SLCO1A2: variants seen among roughly 807,000 people sequenced by gnomAD.
SLCO1A2 encodes solute carrier organic anion transporter family member 1A2.
In SLCO1A2, 67 loss-of-function variants were observed where a neutral mutation model predicts 69.0. The observed-to-expected ratio is 0.97, with a 90% CI of 0.80 to 1.19. The LOEUF is 1.19. Ranked by LOEUF, SLCO1A2 falls within the 50% of genes most tolerant of loss-of-function variation. The pLI, the probability that SLCO1A2 is intolerant of heterozygous loss-of-function variation, is 0.00. For synonymous variants in SLCO1A2, 260 were observed against 265.9 expected, an observed-to-expected ratio of 0.98 and a Z score of 0.22; for missense variants, 787 against 793.7, an observed-to-expected ratio of 0.99 and a Z score of 0.10.
chr12:21,300,457 G>A lies in SLCO1A2; in HGVS notation c.801C>T (p.Pro267=). 6.2e-7 allele frequency: 1 copy of A among 1,613,180 alleles called. No individual in the cohort carries two copies. Among genetic ancestry groups the A allele is most frequent in the Non-Finnish European group, 8.5e-7 (1 of 1,179,662 alleles). Residue 267 remains proline (P), a synonymous_variant, in exon 8 of 15, where the codon CCC becomes CCT. Transcript: ENST00000683939. Reference sequence around the variant, plus strand: ...CTAGTCCTTCCTTTGGAAGTGTGTTGGGCAAAAAGAAAAAAGGAATGGCAG... The same window carrying A: ...CTAGTCCTTCCTTTGGAAGTGTGTTAGGCAAAAAGAAAAAAGGAATGGCAG... ...VLTAIPFFFL[P]NTLPKEGLET...
intron 2 of SLCO1A2, among the ~76,000 whole-genome samples, chr12:21,364,396 C>T (rs1329591777): frequency 1.3e-5 from 2 of 152,116 alleles, no homozygotes; most frequent in Non-Finnish European, 2.9e-5. Context: ...TGGGATGTAT[C>T]TCAAAATAAT....
At chr12:21,326,264 C>T (rs149506823) in intron 2 of SLCO1A2, among the ~76,000 whole-genome samples, 2 of 152,242 alleles carry the variant, frequency 1.3e-5, no homozygotes, top group East Asian at 3.9e-4. Context: ...ATAAATTACC[C>T]AGTCTCAGGT....
intron 7 of SLCO1A2, 86 bp from the exon 8 acceptor site, chr12:21,300,655 G>A: frequency 9.3e-7 from 1 of 1,075,942 alleles, no homozygotes; most frequent in Non-Finnish European, 1.3e-6. Flanking sequence ...AGAATTATCG[G>A]GTCCCAACCA....
At chr12:21,320,582 T>G (rs555879221) in intron 2 of SLCO1A2, among the ~76,000 whole-genome samples, 1 of 152,258 alleles carries the variant, frequency 6.6e-6, no homozygotes, top group Admixed American at 6.5e-5. Flanking sequence ...CACTGCAACC[T>G]CCACCTCCTG....
At chr12:21,270,225 A>T (rs543205231) in intron 14 of SLCO1A2, among the ~76,000 whole-genome samples, 2 of 151,986 alleles carry the variant, frequency 1.3e-5, no homozygotes, top group East Asian at 3.9e-4. Flanking sequence ...AGTTTTAATC[A>T]TGAATGTGCA....
intron 2 of SLCO1A2, among the ~76,000 whole-genome samples, chr12:21,361,678 G>C (rs1156834901): frequency 6.6e-6 from 1 of 152,050 alleles, no homozygotes; most frequent in Non-Finnish European, 1.5e-5. Flanking sequence ...GTAGAGAAAA[G>C]ACAGTGTAGA....
At chr12:21,272,232 A>AATC (rs1417575118) in intron 14 of SLCO1A2, among the ~76,000 whole-genome samples, 4 of 151,802 alleles carry the variant, frequency 2.6e-5, no homozygotes, top group African/African-American at 9.7e-5. Flanking sequence ...ATAGATATAG[A>AATC]TGTATTATAG....
intron 1 of SLCO1A2, among the ~76,000 whole-genome samples, chr12:21,417,063 A>G (rs938024145): frequency 4.6e-5 from 7 of 152,194 alleles, no homozygotes; most frequent in African/African-American, 1.7e-4. Flanking sequence ...TGCAGTAAGT[A>G]GCACACAGTG....
intron 2 of SLCO1A2, among the ~76,000 whole-genome samples, chr12:21,343,087 T>C (rs551703331): frequency 6.6e-6 from 1 of 152,220 alleles, no homozygotes; most frequent in Non-Finnish European, 1.5e-5. Context: ...ATCTTCAGTT[T>C]AGCAGAGGAC....
In SLCO1A2 at chr12:21,264,688, T is replaced by C. The variant is rs1307810172; in HGVS notation, c.*4860A>G. ...TAAATATAAAAGCAATCTTACAGGA[T>C]TATGCAATAGTGTCTCACACAGAAA... is the stretch of plus-strand genomic sequence containing the variant. On this transcript the variant is annotated 3_prime_UTR_variant, in exon 15 of 15. Transcript: ENST00000683939. 6.6e-6 allele frequency: 1 copy of C among 152,178 alleles called. No homozygotes were observed. Among genetic ancestry groups the C allele is most frequent in the Non-Finnish European group, 1.5e-5 (1 of 68,020 alleles). 9.4% of individuals were successfully genotyped at this position (152,178 alleles called of 1,614,324 possible).
intron 1 of SLCO1A2, among the ~76,000 whole-genome samples, chr12:21,383,413 A>G (rs1336525979): frequency 6.6e-6 from 1 of 152,012 alleles, no homozygotes; most frequent in Admixed American, 6.6e-5. Flanking sequence ...CATCTGCCTC[A>G]TTACTGCTTC....
intron 8 of SLCO1A2, among the ~76,000 whole-genome samples, chr12:21,299,026 A>C (rs1392906347): frequency 6.6e-6 from 1 of 152,024 alleles, no homozygotes; most frequent in Non-Finnish European, 1.5e-5. Flanking sequence ...AGTATTAATA[A>C]TAATGTGTGC....
intron 1 of SLCO1A2, among the ~76,000 whole-genome samples, chr12:21,391,339 T>A (rs961544006): frequency 6.6e-6 from 1 of 152,142 alleles, no homozygotes; most frequent in Non-Finnish European, 1.5e-5. Flanking sequence ...GCTGATGACA[T>A]GCCTCTGAAA....
In SLCO1A2 at chr12:21,387,943, G is replaced by T. The variant is rs117936734; in HGVS notation, c.-190+6963C>A. ...GGAAGCCCACCTCTTGCATCAGCACGACCTGTATGTGAGACATGGAGTCAA... is the reference window on the plus strand; with the variant it reads ...GGAAGCCCACCTCTTGCATCAGCACTACCTGTATGTGAGACATGGAGTCAA... On this transcript the variant is annotated intron_variant, in intron 1 of 15. Transcript: ENST00000307378. Among the ~76,000 whole-genome samples the T allele has an allele frequency of 2.0e-5, 3 of 152,202 alleles. No homozygotes were observed. The East Asian group carries it at 5.8e-4, about 29-fold the overall frequency.
intron 2 of SLCO1A2, among the ~76,000 whole-genome samples, chr12:21,332,909 A>T (rs1282511182): frequency 6.6e-6 from 1 of 152,096 alleles, no homozygotes; most frequent in African/African-American, 2.4e-5. Context: ...AAAATTTATC[A>T]ATTATTTTTG....
At chr12:21,362,447 G>T (rs572079697) in intron 2 of SLCO1A2, among the ~76,000 whole-genome samples, 1 of 152,126 alleles carries the variant, frequency 6.6e-6, no homozygotes, top group African/African-American at 2.4e-5. Flanking sequence ...GCAAAAACAT[G>T]CCAAATTGTA....
chr12:21,397,193 G>A (rs1260619354), upstream of SLCO1A2, among the ~76,000 whole-genome samples: 2 of 151,000 alleles, frequency 1.3e-5, no homozygotes, highest in African/African-American at 4.9e-5. Context: ...CCAAGCAAAT[G>A]GAAAACAAAA....
intron 1 of SLCO1A2, among the ~76,000 whole-genome samples, chr12:21,388,508 A>G (rs1940999053): frequency 6.6e-6 from 1 of 152,134 alleles, no homozygotes; most frequent in Non-Finnish European, 1.5e-5. Context: ...GCCACCATGT[A>G]AGATGTCCTT....
chr12:21,298,288 T>C (rs1290977643), intron 8 of SLCO1A2, among the ~76,000 whole-genome samples: 1 of 152,164 alleles, frequency 6.6e-6, no homozygotes, highest in Non-Finnish European at 1.5e-5. Context: ...CAGAGCCAAA[T>C]GTGTGGCCTG....
Sources: gnomAD v4.1 joint callset for allele counts (sites outside exome capture counted in the v4.1 genomes callset) on GRCh38, gnomAD v4.1.1 for gene constraint, MANE v1.5 for transcripts, NCBI Gene and HGNC (gene_info 2026-07-23, HGNC 2026-07-21) for gene names.